The following CUEDC2 variants were observed in gnomAD, a reference collection of about 807,000 sequenced individuals.
The protein encoded by CUEDC2 is CUE domain-containing protein 2.
In CUEDC2, 10 loss-of-function variants were observed where a neutral mutation model predicts 36.0. The observed-to-expected ratio is 0.28, with a 90% CI of 0.17 to 0.47. CUEDC2 has a LOEUF of 0.47. Among genes scored for constraint, CUEDC2 ranks in the 20% least tolerant of loss-of-function variants. The probability of loss-of-function intolerance (pLI) is 0.99; values close to 1 mark genes in which losing one functional copy is unlikely to be tolerated. For missense variants in CUEDC2, 269 were observed against 368.1 expected (o/e 0.73, Z 2.20); for synonymous variants, 133 against 141.8 (o/e 0.94, Z 0.44).
intron 1 of CUEDC2, among the ~76,000 whole-genome samples, chr10:102,431,835 G>A (rs1335518088): frequency 6.6e-6 from 1 of 152,186 alleles, no homozygotes; most frequent in Non-Finnish European, 1.5e-5. Context: ...GGACCCTCCA[G>A]ATGCTAGATA....
chr10:102,432,164 G>A (rs958737840), intron 1 of CUEDC2, among the ~76,000 whole-genome samples: 1 of 152,190 alleles, frequency 6.6e-6, no homozygotes, highest in African/African-American at 2.4e-5. Context: ...AGGGGAACAA[G>A]GGATCCCTGC....
In CUEDC2 at chr10:102,424,771, G is replaced by A. The variant is rs755483104; in HGVS notation, c.96C>T (p.Phe32=). The part of the protein sequence containing the change: ...ADLSGLDEVI[F]SYVLGVLEDL... ...CCTCCAGGACCCCAAGCACATAGGA[G>A]AAGATGACCTCATCCAAGCCACTGC... The change falls in exon 3 of 9, where the codon TTC becomes TTT. Residue 32 remains phenylalanine (F), a synonymous_variant. Transcript: ENST00000369937. This position sits in a 1 kb window ranked among gnomAD's most constrained non-coding sequence, Gnocchi z 4.2. 6.2e-7 allele frequency: 1 copy of A among 1,613,708 alleles called. No homozygotes were observed.
chr10:102,430,530 A>T (rs1589909243), intron 1 of CUEDC2, among the ~76,000 whole-genome samples: 1 of 152,290 alleles, frequency 6.6e-6, no homozygotes, highest in East Asian at 1.9e-4. Flanking sequence ...CTGGGTTTTT[A>T]GCCAAGGCCT....
In CUEDC2 at chr10:102,424,245, T is replaced by C. The variant is rs751216172; in HGVS notation, c.411+19A>G. The stretch of plus-strand genomic sequence containing the variant: ...TCCAGCCCCCTGGGTCCCTCATCGG[T>C]ACCCTCCTCTACCAGTACCTCATCT... On this transcript the variant is annotated intron_variant, in intron 5 of 8. Coordinates refer to ENST00000369937, the MANE Select transcript of CUEDC2 (RefSeq NM_024040.3). The surrounding 1 kb of genome is among the most constrained non-coding windows in gnomAD (Gnocchi z 4.2). The C allele has an allele frequency of 4.3e-6, 7 of 1,612,136 alleles. No individual in the cohort carries two copies. In the Admixed American group the frequency reaches 1.2e-4, roughly 27 times the overall value.
intron 1 of CUEDC2, among the ~76,000 whole-genome samples, chr10:102,426,243 C>T (rs1171845757): frequency 6.6e-5 from 10 of 152,180 alleles, no homozygotes; most frequent in African/African-American, 2.4e-4. Context: ...CCATTCCCAT[C>T]TACATGCTTT....
At position 102,423,297 on chromosome 10, in the gene CUEDC2, G is replaced by A; in HGVS notation, c.*129C>T. ...CCCATGGAGGCAGCTCCGAGAGTAG[G>A]TTAACACTATGGAGCAAAGGAGTAG... is the stretch of plus-strand genomic sequence containing the variant. On this transcript the variant is annotated 3_prime_UTR_variant, in exon 9 of 9. Coordinates refer to ENST00000369937, the MANE Select transcript of CUEDC2 (RefSeq NM_024040.3). This position sits in a 1 kb window ranked among gnomAD's most constrained non-coding sequence, Gnocchi z 5.6. 1 of 1,218,014 alleles carries A rather than the reference G, an allele frequency of 8.2e-7. No individual in the cohort carries two copies. The highest frequency in any genetic ancestry group is 2.8e-4 in the Middle Eastern group (1 of 3,516). The allele number at this position is 1,218,014 out of a possible 1,614,324, so 75.5% of individuals were successfully genotyped here.
Position 102,423,713 on chromosome 10 carries a change from T to C in CUEDC2, c.661A>G (p.Met221Val). 5 of 1,614,184 alleles carry C rather than the reference T, an allele frequency of 3.1e-6. No individual in the cohort carries two copies. Among genetic ancestry groups the C allele is most frequent in the Non-Finnish European group, 4.2e-6 (5 of 1,180,018 alleles). ...ELKSFILQKY[M>V]MVDSAEDQKI... ...TGATCCTCTGCGCTATCCACCATCATGTACCTGTCAAAAACTGGCTGGGTG... is the reference window on the plus strand; with the variant it reads ...TGATCCTCTGCGCTATCCACCATCACGTACCTGTCAAAAACTGGCTGGGTG... The change falls in exon 8 of 9, where the codon ATG becomes GTG. Residue 221 changes from methionine to valine, a missense_variant. Physicochemically the swap from Met to Val is conservative, Grantham distance 21. Coordinates refer to ENST00000369937, the MANE Select transcript of CUEDC2 (RefSeq NM_024040.3). The surrounding 1 kb of genome is among the most constrained non-coding windows in gnomAD (Gnocchi z 5.6).
chr10:102,430,703 C>T (rs1189384058), intron 1 of CUEDC2, among the ~76,000 whole-genome samples: 1 of 152,200 alleles, frequency 6.6e-6, no homozygotes, highest in African/African-American at 2.4e-5. Flanking sequence ...TTTTACCCTT[C>T]CCCATCCCCG....
At chr10:102,426,752 C>T (rs1286012859) in intron 1 of CUEDC2, among the ~76,000 whole-genome samples, 1 of 152,092 alleles carries the variant, frequency 6.6e-6, no homozygotes, top group East Asian at 1.9e-4. Flanking sequence ...CTGCCTTAGC[C>T]TCCGGAGTAG....
intron 1 of CUEDC2, among the ~76,000 whole-genome samples, chr10:102,426,937 A>T (rs544461577): frequency 6.6e-6 from 1 of 152,130 alleles, no homozygotes; most frequent in South Asian, 2.1e-4. Context: ...TGCTGGGATT[A>T]CAGCCATGAG....
chr10:102,426,441 C>T (rs2061596870), intron 1 of CUEDC2, among the ~76,000 whole-genome samples: 1 of 152,200 alleles, frequency 6.6e-6, no homozygotes, highest in Admixed American at 6.5e-5. Context: ...ACATCTGCTT[C>T]ATCAGCTGAC....
chr10:102,428,925 G>A (rs1428507876), intron 1 of CUEDC2, among the ~76,000 whole-genome samples: 1 of 151,752 alleles, frequency 6.6e-6, no homozygotes, highest in African/African-American at 2.4e-5. Context: ...AGGAGGCTGA[G>A]GCAGGAGAAT....
Position 102,423,923 on chromosome 10 carries a change from G to T in CUEDC2, c.595-64C>A. 9.4e-6 allele frequency: 15 copies of T among 1,601,582 alleles called. No individual in the cohort carries two copies. The highest frequency in any genetic ancestry group is 1.3e-5 in the African/African-American group (1 of 74,846). ...CAGCAGGGGAAACAGATGGGGATAG[G>T]TAGGGGTTGGGGCTTAACACCAAGG... On this transcript the variant is annotated intron_variant, in intron 6 of 8. Transcript: ENST00000369937. This position sits in a 1 kb window ranked among gnomAD's most constrained non-coding sequence, Gnocchi z 5.6.
At chr10:102,427,171 C>G (rs2061600173) in intron 1 of CUEDC2, among the ~76,000 whole-genome samples, 1 of 152,192 alleles carries the variant, frequency 6.6e-6, no homozygotes, top group Non-Finnish European at 1.5e-5. Flanking sequence ...TTCTACCTCT[C>G]TGGCCATTTC....
Position 102,424,208 on chromosome 10 carries a change from T to C in CUEDC2, c.412-30A>G. The C allele has an allele frequency of 6.2e-7, 1 of 1,611,226 alleles. No homozygotes were observed. Among genetic ancestry groups the C allele is most frequent in the Non-Finnish European group, 8.5e-7 (1 of 1,178,288 alleles). On this transcript the variant is annotated intron_variant, in intron 5 of 8. Coordinates refer to ENST00000369937, the MANE Select transcript of CUEDC2 (RefSeq NM_024040.3). This position sits in a 1 kb window ranked among gnomAD's most constrained non-coding sequence, Gnocchi z 4.2. ...GGGTACAAACGTTAACAAGAGGCAA[T>C]ACTCCCCCCTTTCCAGCCCCCTGGG...
chr10:102,424,706 A>G lies in CUEDC2; in HGVS notation c.161T>C (p.Met54Thr). 6.2e-7 allele frequency: 1 copy of G among 1,614,158 alleles called. No individual in the cohort carries two copies. Among genetic ancestry groups the G allele is most frequent in the South Asian group, 1.1e-5 (1 of 91,086 alleles). Residue 54 changes from methionine to threonine, a missense_variant, in exon 3 of 9, where the codon ATG becomes ACG. Coordinates refer to ENST00000369937, the MANE Select transcript of CUEDC2 (RefSeq NM_024040.3). The surrounding 1 kb of genome is among the most constrained non-coding windows in gnomAD (Gnocchi z 4.2). ...PSGPSEENFD[M>T]EAFTEMMEAY... Reference sequence around the variant, plus strand: ...CTCCATCATCTCAGTGAAAGCCTCCATATCGAAGTTCTCCTCTGATGGGCC... The same window carrying G: ...CTCCATCATCTCAGTGAAAGCCTCCGTATCGAAGTTCTCCTCTGATGGGCC...
At chr10:102,425,639 CACCCA>C (rs2061593567) in intron 1 of CUEDC2, among the ~76,000 whole-genome samples, 1 of 151,956 alleles carries the variant, frequency 6.6e-6, no homozygotes, top group African/African-American at 2.4e-5. Context: ...GCCCTTCCCC[CACCCA>C]GAACAGGCCA....
intron 1 of CUEDC2, among the ~76,000 whole-genome samples, chr10:102,431,643 C>T (rs2135474256): frequency 6.6e-6 from 1 of 152,324 alleles, no homozygotes; most frequent in South Asian, 2.1e-4. Context: ...TCCTCTCCTG[C>T]CTGGCTGGCT....
Position 102,423,800 on chromosome 10 carries a change from C to A in CUEDC2, c.654G>T (p.Gln218His). The change falls in exon 7 of 9, where the codon CAG (glutamine) becomes CAT (histidine). Residue 218 changes from glutamine (Q) to histidine (H), a missense_variant and splice_region_variant. Gln to His is a conservative substitution (Grantham distance 24). Transcript: ENST00000369937. This position sits in a 1 kb window ranked among gnomAD's most constrained non-coding sequence, Gnocchi z 5.6. ...QKDELKSFILQKYMMVDSAED... is the reference protein window; with the variant it reads ...QKDELKSFILHKYMMVDSAED... ...AGCCCAGCCCAGCCCAGACTCACTT[C>A]TGCAGGATGAAGGACTTCAGCTCAT... The A allele has an allele frequency of 6.2e-7, 1 of 1,613,968 alleles. No homozygotes were observed. Among genetic ancestry groups the A allele is most frequent in the African/African-American group, 1.3e-5 (1 of 75,044 alleles).
Sources: gnomAD v4.1 joint callset for allele counts (sites outside exome capture counted in the v4.1 genomes callset) on GRCh38, gnomAD v4.1.1 for gene constraint, Gnocchi (gnomAD v3.1) non-coding constraint, MANE v1.5 for transcripts, NCBI Gene and HGNC (gene_info 2026-07-23, HGNC 2026-07-21) for gene names.